The following SLC4A4 variants were observed in gnomAD, a reference collection of about 807,000 sequenced individuals.
SLC4A4 encodes the protein electrogenic sodium bicarbonate cotransporter 1.
SLC4A4 carries 27 observed loss-of-function variants against 111.5 expected under a neutral mutation model. The ratio of observed to expected loss-of-function variants is 0.24; its 90% CI spans 0.18 to 0.33. The LOEUF is 0.33. SLC4A4 is among the 10% of genes least tolerant of loss of function. The probability of loss-of-function intolerance (pLI) is 1.00; values close to 1 mark genes in which losing one functional copy is unlikely to be tolerated. For synonymous variants in SLC4A4, 443 were observed against 463.4 expected (o/e 0.96, Z 0.57); for missense variants, 909 against 1,315.5 (o/e 0.69, Z 4.78).
intron 2 of SLC4A4, among the ~76,000 whole-genome samples, chr4:71,096,261 G>T (rs574956401): frequency 9.9e-5 from 15 of 152,154 alleles, no homozygotes; most frequent in Admixed American, 5.2e-4. Context: ...GAGGCTAAAG[G>T]GGGGAGGAAG....
intron 1 of SLC4A4, among the ~76,000 whole-genome samples, chr4:71,066,821 G>T (rs1741528334): frequency 6.6e-6 from 1 of 152,146 alleles, no homozygotes; most frequent in Non-Finnish European, 1.5e-5. Context: ...CCTACCAGTG[G>T]CACTCCTTGT....
intron 6 of SLC4A4, among the ~76,000 whole-genome samples, chr4:71,372,096 G>A (rs1731948127): frequency 6.6e-6 from 1 of 152,150 alleles, no homozygotes; most frequent in African/African-American, 2.4e-5. Flanking sequence ...TTGTAACAAG[G>A]TTTTTTAAAG....
intron 8 of SLC4A4, among the ~76,000 whole-genome samples, chr4:71,445,912 T>C (rs568841361): frequency 1.3e-5 from 2 of 152,346 alleles, no homozygotes; most frequent in Admixed American, 6.5e-5. Context: ...CTAGTGTCAA[T>C]TGAACTTCAG....
intron 6 of SLC4A4, among the ~76,000 whole-genome samples, chr4:71,368,771 AG>A (rs1731574774): frequency 6.6e-6 from 1 of 152,158 alleles, no homozygotes; most frequent in Non-Finnish European, 1.5e-5. Context: ...TTAGAACTGC[AG>A]GGTGGATCAT....
chr4:71,113,351 AG>A (rs764631144), intron 2 of SLC4A4, among the ~76,000 whole-genome samples: 2 of 152,188 alleles, frequency 1.3e-5, no homozygotes, highest in South Asian at 2.1e-4. Context: ...AACTGACACA[AG>A]GCCCCAGATA....
intron 2 of SLC4A4, among the ~76,000 whole-genome samples, chr4:71,147,756 G>T (rs1447377009): frequency 1.3e-5 from 2 of 152,102 alleles, no homozygotes; most frequent in East Asian, 3.9e-4. Flanking sequence ...TCCTGAGGGG[G>T]CATTGCCACC....
At chr4:71,351,997 G>A (rs1462272889) in intron 5 of SLC4A4, among the ~76,000 whole-genome samples, 1 of 152,138 alleles carries the variant, frequency 6.6e-6, no homozygotes, top group African/African-American at 2.4e-5. Flanking sequence ...TATATGAGAA[G>A]AGATCTTGGA....
intron 17 of SLC4A4, among the ~76,000 whole-genome samples, chr4:71,533,594 G>T (rs1734136178): frequency 6.6e-6 from 1 of 150,716 alleles, no homozygotes; most frequent in Non-Finnish European, 1.5e-5. Context: ...GTTTTTTCCA[G>T]TTTTTTTTTG....
chr4:71,535,437 G>T (rs143826710), intron 18 of SLC4A4, among the ~76,000 whole-genome samples: 9 of 152,236 alleles, frequency 5.9e-5, no homozygotes, highest in African/African-American at 2.2e-4. Context: ...ATAATAATAA[G>T]ACCAGGAGAA....
chr4:71,280,460 A>G (rs1482360520), intron 3 of SLC4A4, among the ~76,000 whole-genome samples: 5 of 152,172 alleles, frequency 3.3e-5, no homozygotes, highest in Admixed American at 2.0e-4. Context: ...TTATAGCCAA[A>G]AAGTTATTGC....
At chr4:71,189,151 A>G (rs1186784282) in intron 1 of SLC4A4, among the ~76,000 whole-genome samples, 1 of 152,198 alleles carries the variant, frequency 6.6e-6, no homozygotes, top group African/African-American at 2.4e-5. Flanking sequence ...TGTTAAAAAA[A>G]CTGAAAACTA....
At chr4:71,455,200 C>A (rs999424319) in intron 12 of SLC4A4, among the ~76,000 whole-genome samples, 2 of 152,128 alleles carry the variant, frequency 1.3e-5, no homozygotes, top group Non-Finnish European at 2.9e-5. Flanking sequence ...ATATTGGCAA[C>A]TGATTAACAT....
At chr4:71,094,805 G>C (rs1433722595) in intron 2 of SLC4A4, among the ~76,000 whole-genome samples, 2 of 133,744 alleles carry the variant, frequency 1.5e-5, no homozygotes, top group Non-Finnish European at 3.2e-5. Context: ...GGACAAGAAA[G>C]GTCTCTCTGT....
At chr4:71,361,519 A>C (rs1730788041) in intron 6 of SLC4A4, among the ~76,000 whole-genome samples, 1 of 152,224 alleles carries the variant, frequency 6.6e-6, no homozygotes, top group African/African-American at 2.4e-5. Flanking sequence ...AAATGCTATC[A>C]TTTCTCAGTA....
intron 2 of SLC4A4, among the ~76,000 whole-genome samples, chr4:71,146,949 G>T (rs553421237): frequency 1.3e-5 from 2 of 152,276 alleles, no homozygotes; most frequent in East Asian, 1.9e-4. Flanking sequence ...CTGGCAAATT[G>T]GATAAAGAGT....
intron 2 of SLC4A4, among the ~76,000 whole-genome samples, chr4:71,167,604 G>C (rs1486874667): frequency 6.6e-6 from 1 of 152,116 alleles, no homozygotes; most frequent in Non-Finnish European, 1.5e-5. Flanking sequence ...TATGTTAAAA[G>C]TGAAATGTTA....
At chr4:71,241,396 C>G (rs1361323129) in intron 2 of SLC4A4, among the ~76,000 whole-genome samples, 1 of 151,996 alleles carries the variant, frequency 6.6e-6, no homozygotes, top group Non-Finnish European at 1.5e-5. Flanking sequence ...TTTTGGAAGT[C>G]AAGACCTCAA....
chr4:71,483,489 G>A (rs1009747437), intron 14 of SLC4A4, among the ~76,000 whole-genome samples: 3 of 151,832 alleles, frequency 2.0e-5, no homozygotes, highest in Non-Finnish European at 2.9e-5. Flanking sequence ...CCATATCCCT[G>A]CAAAGGGCAT....
intron 16 of SLC4A4, among the ~76,000 whole-genome samples, chr4:71,500,106 G>C (rs1267097164): frequency 6.6e-6 from 1 of 152,088 alleles, no homozygotes; most frequent in Non-Finnish European, 1.5e-5. Flanking sequence ...TTGTCTTTTT[G>C]ATAATAACCA....
Sources: allele counts gnomAD v4.1 joint callset (sites outside exome capture counted in the v4.1 genomes callset), GRCh38; gene constraint gnomAD v4.1.1; transcripts MANE v1.5; gene names NCBI Gene and HGNC (gene_info 2026-07-23, HGNC 2026-07-21).